Variants in SUN1 observed in about 807,000 individuals in gnomAD.
The protein encoded by SUN1 is Sad1 and UNC84 domain containing 1, also known as SUN domain-containing protein 1.
SUN1 carries 61 observed loss-of-function variants against 103.2 expected under a neutral mutation model. The ratio of observed to expected loss-of-function variants is 0.59; its 90% CI spans 0.48 to 0.73. The LOEUF (loss-of-function observed/expected upper bound fraction) is 0.73. Among genes scored for constraint, SUN1 ranks in the 30% least tolerant of loss-of-function variants. The pLI, the probability that SUN1 is intolerant of heterozygous loss-of-function variation, is 0.00. For synonymous variants in SUN1, 490 were observed against 425.7 expected (o/e 1.15, Z -1.86); for missense variants, 1,052 against 1,034.6 (o/e 1.02, Z -0.23).
intron 5 of SUN1, among the ~76,000 whole-genome samples, chr7:844,814 G>A (rs1488176684): frequency 9.9e-5 from 15 of 152,106 alleles, no homozygotes; most frequent in African/African-American, 1.7e-4. Flanking sequence ...CAGGAGGCTC[G>A]CAGGTAGGTG....
upstream of SUN1, chr7:816,475 C>T (rs1262206665): frequency 4.7e-6 from 1 of 210,590 alleles, no homozygotes; most frequent in Non-Finnish European, 9.9e-6. Context: ...CGCCTGGAGT[C>T]CTCCTCGCCC....
intron 2 of SUN1, among the ~76,000 whole-genome samples, chr7:839,796 C>T (rs1323298049): frequency 2.2e-5 from 1 of 44,894 alleles, no homozygotes; most frequent in African/African-American, 8.1e-5. Context: ...TCAGGTGATC[C>T]GCCCATTGCA....
chr7:846,187 C>T (rs950631954), intron 5 of SUN1, among the ~76,000 whole-genome samples: 2 of 152,044 alleles, frequency 1.3e-5, no homozygotes, highest in African/African-American at 4.8e-5. Flanking sequence ...CAGCTCACTG[C>T]AACCTCCACC....
rs767246113 is a variant in SUN1, at chr7:850,064, C to T, written c.659-1320C>T. ...CTCTCGCCCCGTCTCCGTCTCATCT[C>T]GCCCTGTCACCATGCTATTTGTGTC... On this transcript the variant is annotated intron_variant, in intron 5 of 18. Transcript: ENST00000401592. The T allele has an allele frequency of 1.5e-5, 23 of 1,522,606 alleles. No individual in the cohort carries two copies. The East Asian group carries it at 3.4e-4, about 23-fold the overall frequency. The allele number at this position is 1,522,606 out of a possible 1,614,324, so 94.3% of individuals were successfully genotyped here.
chr7:823,122 G>T (rs771312205), intron 1 of SUN1, among the ~76,000 whole-genome samples: 7 of 152,260 alleles, frequency 4.6e-5, no homozygotes, highest in Non-Finnish European at 7.3e-5. Flanking sequence ...AGCGAGCAGG[G>T]TGCGTGGCGT....
chr7:869,068 T>C (rs1481587420), intron 16 of SUN1: 9 of 418,844 alleles, frequency 2.1e-5, no homozygotes, highest in Middle Eastern at 6.9e-4. Context: ...CCAAGGACCA[T>C]TGACCTTCAC....
At chr7:831,015 T>C (rs1797445957), upstream of SUN1, 21 of 985,444 alleles carry the variant, frequency 2.1e-5, no homozygotes, top group Non-Finnish European at 2.5e-5. Context: ...GGCCCTGTCC[T>C]GTGCCGGGCT....
intron 1 of SUN1, chr7:817,219 C>G (rs1350131107): frequency 1.4e-5 from 8 of 585,536 alleles, no homozygotes; most frequent in South Asian, 5.9e-5. Flanking sequence ...CTCCGCCTCC[C>G]GAAGCGCTCG....
At chr7:839,994 G>A (rs945663289) in intron 2 of SUN1, among the ~76,000 whole-genome samples, 1 of 152,216 alleles carries the variant, frequency 6.6e-6, no homozygotes, top group African/African-American at 2.4e-5. Flanking sequence ...TGCAGAGAAG[G>A]AACAAAAGTC....
At chr7:842,452 T>A (rs1811025775) in intron 3 of SUN1, 1 of 292,614 alleles carries the variant, frequency 3.4e-6, no homozygotes, top group African/African-American at 2.2e-5. Flanking sequence ...ATCTTATAAC[T>A]CTGTTTTTAT....
rs553094355 is a variant in SUN1, at chr7:861,336, C to G, written c.1780-44C>G. 1.0e-5 allele frequency: 16 copies of G among 1,606,270 alleles called. No individual in the cohort carries two copies. The Admixed American group carries it at 1.3e-4, about 13-fold the overall frequency. Reference sequence around the variant, plus strand: ...TGGCACTAAAACCCACGTCTCTCCTCTCCTGTTCTGGTGTTTGGTCTTCCG... The same window carrying G: ...TGGCACTAAAACCCACGTCTCTCCTGTCCTGTTCTGGTGTTTGGTCTTCCG... On this transcript the variant is annotated intron_variant, in intron 14 of 18. Coordinates refer to ENST00000401592, the MANE Select transcript of SUN1 (RefSeq NM_001130965.3).
intron 1 of SUN1, among the ~76,000 whole-genome samples, chr7:835,945 T>A (rs1377319997): frequency 2.0e-5 from 3 of 152,066 alleles, no homozygotes; most frequent in Non-Finnish European, 4.4e-5. Context: ...GTTTCCAGAA[T>A]GGGGGACTTG....
At position 851,682 on chromosome 7, in the gene SUN1, T is replaced by A. The variant is rs1584863966; in HGVS notation, c.757+200T>A. ...ATGAGCGCCCTTGGTTTCTCTGGGG[T>A]TGGGTCTGGGGGAAGTCCGGCTGCC... On this transcript the variant is annotated intron_variant, in intron 6 of 18. Coordinates refer to ENST00000401592, the MANE Select transcript of SUN1 (RefSeq NM_001130965.3). 4 of 657,684 alleles carry A rather than the reference T, an allele frequency of 6.1e-6. No homozygotes were observed. The East Asian group carries it at 1.1e-4, about 18-fold the overall frequency. The allele number at this position is 657,684 out of a possible 1,614,324, so 40.7% of individuals were successfully genotyped here.
At chr7:827,521 G>C (rs1472924470), upstream of SUN1, among the ~76,000 whole-genome samples, 5 of 150,918 alleles carry the variant, frequency 3.3e-5, no homozygotes, top group Non-Finnish European at 5.9e-5. Context: ...CCAGGCTGGG[G>C]TGCAGTGGCG....
At chr7:825,242 T>G (rs1365724325) in intron 1 of SUN1, among the ~76,000 whole-genome samples, 1 of 152,156 alleles carries the variant, frequency 6.6e-6, no homozygotes, top group African/African-American at 2.4e-5. Flanking sequence ...TTTTGTATTT[T>G]CAGTAGAGAC....
intron 5 of SUN1, chr7:848,664 G>A (rs1203859070): frequency 1.6e-6 from 2 of 1,246,478 alleles, no homozygotes; most frequent in Admixed American, 2.7e-5. Flanking sequence ...CACTTTCGCA[G>A]TGGAGAAAGT....
chr7:844,001 G>A (rs1490382520), intron 5 of SUN1: 1 of 584,642 alleles, frequency 1.7e-6, no homozygotes, highest in Non-Finnish European at 2.2e-6. Flanking sequence ...CTGTAGGTCT[G>A]GGAAGGACAC....
intron 2 of SUN1, 68 bp downstream of exon 2, chr7:839,054 T>C (rs1384407656): frequency 1.4e-5 from 20 of 1,439,660 alleles, no homozygotes; most frequent in Admixed American, 2.7e-5. Flanking sequence ...TCCATACTTT[T>C]TGGTCTGTAA....
At chr7:848,771 T>C (rs910957999) in intron 5 of SUN1, among the ~76,000 whole-genome samples, 1 of 152,200 alleles carries the variant, frequency 6.6e-6, no homozygotes, top group Non-Finnish European at 1.5e-5. Flanking sequence ...CTTGCATCCC[T>C]GGGAGCTTGT....
Sources: allele counts gnomAD v4.1 joint callset (sites outside exome capture counted in the v4.1 genomes callset), GRCh38; gene constraint gnomAD v4.1.1; transcripts MANE v1.5; gene names NCBI Gene and HGNC (gene_info 2026-07-23, HGNC 2026-07-21).